Variants in TNS1 observed in about 807,000 individuals in gnomAD.
TNS1 encodes tensin 1.
Under a neutral mutation model 168.6 loss-of-function variants are expected in TNS1, and 62 were observed. The observed-to-expected ratio is 0.37, with a 90% CI of 0.30 to 0.45. The LOEUF (loss-of-function observed/expected upper bound fraction) is 0.45, where lower values mean the gene tolerates loss of function less well. Ranked by LOEUF, TNS1 falls within the 20% of genes least tolerant of loss-of-function variation. The probability of loss-of-function intolerance (pLI) is 1.00; values close to 1 mark genes in which losing one functional copy is unlikely to be tolerated. For synonymous variants in TNS1, 934 were observed against 933.2 expected, an observed-to-expected ratio of 1.00 and a Z score of -0.02; for missense variants, 2,240 against 2,339.4, an observed-to-expected ratio of 0.96 and a Z score of 0.88.
intron 27 of TNS1, 125 bp from the exon 28 acceptor site, chr2:217,812,570 C>A: frequency 2.8e-6 from 2 of 714,028 alleles, no homozygotes; most frequent in Non-Finnish European, 4.6e-6. Flanking sequence ...CTCAACCCAC[C>A]ACCAAAGCTG....
intron 9 of TNS1, 122 bp downstream of exon 9, chr2:217,894,884 A>AT (rs1952115211): frequency 2.1e-6 from 2 of 942,346 alleles, no homozygotes; most frequent in Admixed American, 2.2e-5. Context: ...TTTTCCAGAT[A>AT]TAAGTCGGCA....
chr2:217,902,897 G>A (rs538300639), intron 6 of TNS1, among the ~76,000 whole-genome samples: 42 of 152,266 alleles, frequency 2.8e-4, no homozygotes, highest in Middle Eastern at 6.8e-3. Flanking sequence ...CCTTGCTGGC[G>A]GACAGCAGAC....
chr2:217,923,517 T>C (rs1020267825), intron 3 of TNS1, among the ~76,000 whole-genome samples: 1 of 152,074 alleles, frequency 6.6e-6, no homozygotes, highest in Non-Finnish European at 1.5e-5. Context: ...GGCTAATGAG[T>C]TGGCCAACAG....
intron 18 of TNS1, among the ~76,000 whole-genome samples, chr2:217,852,589 A>C (rs1015786846): frequency 6.6e-6 from 1 of 152,226 alleles, no homozygotes; most frequent in African/African-American, 2.4e-5. Context: ...ACTAACAGAA[A>C]AACTATGAAG....
intron 18 of TNS1, among the ~76,000 whole-genome samples, chr2:217,868,038 TTTCA>T (rs1426881922): frequency 6.6e-6 from 1 of 152,248 alleles, no homozygotes; most frequent in Non-Finnish European, 1.5e-5. Context: ...GGGATCTTTG[TTTCA>T]TTCATTGTTC....
At chr2:217,890,908 A>C (rs754030016) in intron 12 of TNS1, 54 bp downstream of exon 12, 24 of 1,579,920 alleles carry the variant, frequency 1.5e-5, no homozygotes, top group Non-Finnish European at 1.9e-5. Flanking sequence ...TCTAGTCCCC[A>C]CATAGAGTGA....
In TNS1 at chr2:217,847,685, C is replaced by T. The variant is rs151068094; in HGVS notation, c.2832G>A (p.Leu944=). The part of the protein sequence containing the change: ...FHSKSPASSS[L]PAFLPTTHSP... ...TGTGGGTGGTCGGAAGGAAGGCAGGCAAGGAGGAAGAGGCTGGGCTCTTTG... is the reference window on the plus strand; with the variant it reads ...TGTGGGTGGTCGGAAGGAAGGCAGGTAAGGAGGAAGAGGCTGGGCTCTTTG... The change falls in exon 19 of 33, where the codon TTG becomes TTA. Residue 944 remains leucine (L), a synonymous_variant. Transcript: ENST00000682258. 1.3e-5 allele frequency: 21 copies of T among 1,600,264 alleles called. No individual in the cohort carries two copies. In the African/African-American group the frequency reaches 2.3e-4, roughly 17 times the overall value.
chr2:217,873,140 C>T (rs919651646), intron 18 of TNS1, among the ~76,000 whole-genome samples: 7 of 152,094 alleles, frequency 4.6e-5, no homozygotes, highest in Non-Finnish European at 1.0e-4. Flanking sequence ...TATACTAAAA[C>T]CCATTGAATT....
At chr2:217,954,999 C>T (rs575599221) in intron 3 of TNS1, among the ~76,000 whole-genome samples, 32 of 152,342 alleles carry the variant, frequency 2.1e-4, no homozygotes, top group African/African-American at 6.7e-4. Context: ...CACACAGGCA[C>T]ACTCATGAGC....
chr2:217,981,390 C>G (rs1958044785), intron 2 of TNS1, among the ~76,000 whole-genome samples: 1 of 152,236 alleles, frequency 6.6e-6, no homozygotes, highest in Admixed American at 6.5e-5. Flanking sequence ...TACAGGGCAG[C>G]CCTGCCTGTC....
intron 19 of TNS1, chr2:217,842,034 G>C (rs1433058963): frequency 1.4e-6 from 1 of 702,294 alleles, no homozygotes; most frequent in Non-Finnish European, 2.6e-6. Context: ...CTGGCCCCCA[G>C]AGTTCAAGCT....
rs759765327 is a variant in TNS1, at chr2:217,818,298, G to A, written c.4034C>T (p.Pro1345Leu). 1.1e-5 allele frequency: 17 copies of A among 1,613,086 alleles called. No homozygotes were observed. Among genetic ancestry groups the A allele is most frequent in the South Asian group, 2.2e-5 (2 of 91,024 alleles). ...GTGCCGACACAGGCTGGGGCTCCCC[G>A]GGGTGGTCGCTGCACTGCTCTGGGG... is the stretch of plus-strand genomic sequence containing the variant. Reference protein sequence around the residue: ...SSPQSSAATTPGSPSLCRHPA... With the variant: ...SSPQSSAATTLGSPSLCRHPA... Residue 1345 changes from proline (P) to leucine (L), a missense_variant, in exon 24 of 33, where the codon CCG becomes CTG. By Grantham distance (98) the Pro-to-Leu change is moderately conservative. This residue lies in a region of TNS1 where 2,131 missense variants were observed against 2,171.2 expected (regional missense o/e 0.98). Transcript: ENST00000682258.
At chr2:218,017,827 C>T (rs1958775129) in intron 1 of TNS1, among the ~76,000 whole-genome samples, 1 of 152,228 alleles carries the variant, frequency 6.6e-6, no homozygotes, top group Non-Finnish European at 1.5e-5. Flanking sequence ...AACCACAACC[C>T]CTCCTGGCTC....
chr2:218,033,471 C>T lies in TNS1; in HGVS notation c.156+349G>A, dbSNP rs1367493543. Among the ~76,000 whole-genome samples the T allele has an allele frequency of 2.0e-5, 3 of 151,970 alleles. No individual in the cohort carries two copies. Among genetic ancestry groups the T allele is most frequent in the East Asian group, 1.9e-4 (1 of 5,176 alleles). On this transcript the variant is annotated intron_variant, in intron 1 of 1. Transcript: ENST00000649572. This position sits in a 1 kb window ranked among gnomAD's most constrained non-coding sequence, Gnocchi z 4.3. ...GCCAGAGCTGCCCCTTGGTCCAGCT[C>T]GAGGAAGATTAACTCTTTCCCTACC... is the stretch of plus-strand genomic sequence containing the variant.
At chr2:217,949,701 A>G (rs1957195413) in intron 3 of TNS1, among the ~76,000 whole-genome samples, 1 of 152,164 alleles carries the variant, frequency 6.6e-6, no homozygotes, top group African/African-American at 2.4e-5. Context: ...AACTTAGGTT[A>G]CAACTTAGAA....
At chr2:217,938,952 A>C (rs1334047710) in intron 3 of TNS1, among the ~76,000 whole-genome samples, 2 of 152,094 alleles carry the variant, frequency 1.3e-5, no homozygotes, top group Non-Finnish European at 2.9e-5. Flanking sequence ...AAATGACACC[A>C]GCATCTTCTC....
chr2:217,859,539 A>G (rs1948583788), intron 18 of TNS1: 7 of 1,082,272 alleles, frequency 6.5e-6, no homozygotes, highest in Non-Finnish European at 9.5e-6. Flanking sequence ...GAGCCCCAAC[A>G]TGAAGTTCTC....
chr2:218,026,797 G>C (rs889478250), intron 1 of TNS1, among the ~76,000 whole-genome samples: 2 of 152,218 alleles, frequency 1.3e-5, no homozygotes, highest in Non-Finnish European at 2.9e-5. Flanking sequence ...GGGCAGGGCA[G>C]ACATGCCTGG....
intron 15 of TNS1, 94 bp from the exon 16 acceptor site, chr2:217,885,258 C>T: frequency 6.5e-7 from 1 of 1,541,476 alleles, no homozygotes; most frequent in East Asian, 2.3e-5. Flanking sequence ...ACTGAGCCCC[C>T]AAGGCTCACC....
Sources: gnomAD v4.1 joint callset for allele counts (sites outside exome capture counted in the v4.1 genomes callset) on GRCh38, gnomAD v4.1.1 for gene constraint, gnomAD v4.1.1 regional missense constraint, Gnocchi (gnomAD v3.1) non-coding constraint, MANE v1.5 for transcripts, NCBI Gene and HGNC (gene_info 2026-07-23, HGNC 2026-07-21) for gene names.